Variants in MAP2 observed in about 807,000 individuals in gnomAD.
MAP2 encodes the protein microtubule associated protein 2.
A neutral mutation model predicts 137.6 loss-of-function variants in MAP2; 14 were observed. The ratio of observed to expected loss-of-function variants is 0.10; its 90% CI spans 0.07 to 0.16. The LOEUF (loss-of-function observed/expected upper bound fraction) is 0.16. Among genes scored for constraint, MAP2 ranks in the 10% least tolerant of loss-of-function variants. The pLI is 1.00. For synonymous variants in MAP2, 786 were observed against 782.3 expected, an observed-to-expected ratio of 1.00 and a Z score of -0.08; for missense variants, 2,088 against 2,191.5, an observed-to-expected ratio of 0.95 and a Z score of 0.94.
chr2:209,448,849 G>A (rs997946898), intron 1 of MAP2, among the ~76,000 whole-genome samples: 7 of 152,178 alleles, frequency 4.6e-5, no homozygotes, highest in Admixed American at 3.9e-4. Context: ...ATAAGGTAAC[G>A]TTCATGGGTT....
intron 1 of MAP2, among the ~76,000 whole-genome samples, chr2:209,487,856 A>G (rs1467205874): frequency 2.6e-5 from 4 of 152,230 alleles, no homozygotes; most frequent in African/African-American, 9.6e-5. Flanking sequence ...CTATTTATAT[A>G]CCTAACATAG....
At position 209,679,322 on chromosome 2, in the gene MAP2, CATAGATAGATAG is replaced by C. The variant is rs3036677; in HGVS notation, c.376+670_376+681del. Among the ~76,000 whole-genome samples, 1,009 of 148,524 alleles carry C rather than the reference CATAGATAGATAG, an allele frequency of 6.8e-3. 6 individuals carry two copies. Among genetic ancestry groups the C allele is most frequent in the Middle Eastern group, 0.021 (6 of 290 alleles). ...CAGCCAAAGCCTTGCTGCCCCTACT[CATAGATAGATAG>C]ATAGATAGATAGATAGATAGATAGA... On this transcript the variant is annotated intron_variant, in intron 6 of 15. Transcript: ENST00000682079.
chr2:209,690,157 G>A (rs1163285942), intron 7 of MAP2, among the ~76,000 whole-genome samples: 1 of 151,974 alleles, frequency 6.6e-6, no homozygotes, highest in Non-Finnish European at 1.5e-5. Flanking sequence ...TTCCTGCATT[G>A]GCGAAAACAG....
At chr2:209,626,244 T>A (rs1189626458) in intron 4 of MAP2, among the ~76,000 whole-genome samples, 1 of 151,984 alleles carries the variant, frequency 6.6e-6, no homozygotes, top group Admixed American at 6.6e-5. Context: ...TGAAACCCCA[T>A]CTCTACCAAA....
At chr2:209,457,000 G>C (rs1701690678) in intron 1 of MAP2, among the ~76,000 whole-genome samples, 1 of 152,106 alleles carries the variant, frequency 6.6e-6, no homozygotes, top group Non-Finnish European at 1.5e-5. Context: ...CACATGCACA[G>C]ATCAAAAGAA....
chr2:209,621,007 C>T (rs2090975345), intron 3 of MAP2, among the ~76,000 whole-genome samples: 1 of 151,798 alleles, frequency 6.6e-6, no homozygotes, highest in Admixed American at 6.6e-5. Flanking sequence ...CCTGCCTGAC[C>T]AACATGGTGA....
At chr2:209,714,749 T>C (rs2066865465) in intron 13 of MAP2, among the ~76,000 whole-genome samples, 1 of 152,174 alleles carries the variant, frequency 6.6e-6, no homozygotes, top group Admixed American at 6.5e-5. Flanking sequence ...TTTCACAGAG[T>C]AAGAAACAGA....
At chr2:209,450,027 C>T (rs564467395) in intron 1 of MAP2, among the ~76,000 whole-genome samples, 35 of 152,220 alleles carry the variant, frequency 2.3e-4, no homozygotes, top group African/African-American at 7.2e-4. Context: ...CTGCAACCTC[C>T]GCCTCCCAGG....
At chr2:209,703,997 T>C (rs1419411734) in intron 11 of MAP2, 6 of 455,822 alleles carry the variant, frequency 1.3e-5, no homozygotes, top group Non-Finnish European at 2.6e-5. Context: ...GGTGTCCATG[T>C]GCAGGCTTGT....
chr2:209,485,142 G>T (rs1343646259), intron 1 of MAP2, among the ~76,000 whole-genome samples: 3 of 152,212 alleles, frequency 2.0e-5, no homozygotes, highest in Non-Finnish European at 2.9e-5. Flanking sequence ...TCCTAGAGGT[G>T]ACGGGCTGAC....
intron 2 of MAP2, among the ~76,000 whole-genome samples, chr2:209,517,174 C>CT (rs1250045123): frequency 4.6e-5 from 7 of 152,066 alleles, no homozygotes; most frequent in Non-Finnish European, 1.0e-4. Flanking sequence ...TCCTCTTTCA[C>CT]TGTAGGGACT....
intron 1 of MAP2, among the ~76,000 whole-genome samples, chr2:209,436,002 T>C (rs1369667531): frequency 1.4e-5 from 1 of 69,794 alleles, no homozygotes; most frequent in African/African-American, 2.6e-4. Flanking sequence ...ATATACTATA[T>C]ATACAGTATA....
At chr2:209,544,248 C>T (rs769934964) in intron 2 of MAP2, among the ~76,000 whole-genome samples, 4 of 151,196 alleles carry the variant, frequency 2.6e-5, no homozygotes, top group Non-Finnish European at 3.0e-5. Flanking sequence ...AAAAAAAAAA[C>T]GGGGAAGAAA....
chr2:209,424,428 T>A (rs1323994676), intron 1 of MAP2, among the ~76,000 whole-genome samples, 152 bp downstream of exon 1: 1 of 152,156 alleles, frequency 6.6e-6, no homozygotes, highest in Non-Finnish European at 1.5e-5. Flanking sequence ...TGGCCAGCCG[T>A]GCACCTGGCG....
At chr2:209,635,592 T>C (rs2093482067) in intron 4 of MAP2, among the ~76,000 whole-genome samples, 1 of 152,130 alleles carries the variant, frequency 6.6e-6, no homozygotes, top group Non-Finnish European at 1.5e-5. Flanking sequence ...GCAGTGCACC[T>C]GGTTTATATG....
intron 4 of MAP2, among the ~76,000 whole-genome samples, chr2:209,636,578 T>C (rs546857734): frequency 5.4e-4 from 78 of 144,748 alleles, no homozygotes; most frequent in Admixed American, 2.4e-3. Flanking sequence ...TATATATATA[T>C]ACACACACAC....
intron 11 of MAP2, among the ~76,000 whole-genome samples, chr2:209,704,916 TATATATA>T (rs1426385834): frequency 6.7e-6 from 1 of 150,374 alleles, no homozygotes; most frequent in African/African-American, 2.4e-5. Flanking sequence ...TATATTCTAT[TATATATA>T]ATATATAAGA....
At chr2:209,698,566 T>C (rs1428257113) in intron 10 of MAP2, among the ~76,000 whole-genome samples, 2 of 152,152 alleles carry the variant, frequency 1.3e-5, no homozygotes, top group African/African-American at 2.4e-5. Flanking sequence ...TCCAAGTATT[T>C]TGTATTTGTG....
rs76950189 is a variant in MAP2, at chr2:209,586,830, A to C, written c.-107+6730A>C. On this transcript the variant is annotated intron_variant, in intron 3 of 15. Coordinates refer to ENST00000682079, the MANE Select transcript of MAP2 (RefSeq NM_001375505.1). ...AAGGCTAGAAGGCAAATGTCCAGGC[A>C]AGAAAAATGAGAAATGATTGGAGGA... 9.2e-3 allele frequency among the ~76,000 whole-genome samples: 1,403 copies of C among 152,308 alleles called. 23 individuals are homozygous for C. The highest frequency in any genetic ancestry group is 0.031 in the African/African-American group (1,298 of 41,582).
Sources: gnomAD v4.1 joint callset for allele counts (sites outside exome capture counted in the v4.1 genomes callset) on GRCh38, gnomAD v4.1.1 for gene constraint, MANE v1.5 for transcripts, NCBI Gene and HGNC (gene_info 2026-07-23, HGNC 2026-07-21) for gene names.